Variants in PRH1 observed in about 807,000 individuals in gnomAD.
PRH1 encodes the protein salivary acidic proline-rich phosphoprotein 1/2.
Under a neutral mutation model 7.9 loss-of-function variants are expected in PRH1, and 7 were observed. The observed-to-expected ratio is 0.89, with a 90% CI of 0.50 to 1.67. PRH1 has a LOEUF of 1.67. Ranked by LOEUF, PRH1 falls within the 40% of genes most tolerant of loss-of-function variation. The pLI, the probability that PRH1 is intolerant of heterozygous loss-of-function variation, is 0.00. For synonymous variants in PRH1, 45 were observed against 80.8 expected (o/e 0.56, Z 2.38); for missense variants, 109 against 223.6 (o/e 0.49, Z 3.27).
rs529594829 is a variant in PRH1 at position 10,921,858 on chromosome 12, G to T, written c.-58-37583C>A. Among the ~76,000 whole-genome samples the T allele has an allele frequency of 5.6e-4, 85 of 152,120 alleles. 2 individuals carry two copies. In the South Asian group the frequency reaches 0.017, roughly 31 times the overall value. On this transcript the variant is annotated intron_variant, in intron 2 of 3. Coordinates refer to the PRH1 transcript ENST00000539853. ...CTTGGCTCACTGTAGTTTTGACCTC[G>T]CAGGCTCAAGTGATCCTTCCACCTC... is the stretch of plus-strand genomic sequence containing the variant.
intron 1 of PRH1, among the ~76,000 whole-genome samples, chr12:11,066,946 T>TG (rs1486159799): frequency 6.6e-6 from 1 of 152,168 alleles, no homozygotes; most frequent in Non-Finnish European, 1.5e-5. Context: ...GATTCTATTT[T>TG]GGGGCTTTTT....
intron 1 of PRH1, among the ~76,000 whole-genome samples, chr12:11,136,931 G>A (rs958047978): frequency 1.3e-5 from 2 of 152,086 alleles, no homozygotes; most frequent in Non-Finnish European, 1.5e-5. Context: ...TAAATTTTTA[G>A]TATACCTGAC....
chr12:10,902,562 A>G (rs1409896059), intron 2 of PRH1, among the ~76,000 whole-genome samples: 1 of 152,174 alleles, frequency 6.6e-6, no homozygotes, highest in East Asian at 1.9e-4. Context: ...ACCAAAGCAT[A>G]TAGTCGCCAG....
chr12:11,086,112 C>A lies in PRH1; in HGVS notation n.124-38924G>T, dbSNP rs190032325. On this transcript the variant is annotated intron_variant and non_coding_transcript_variant, in intron 1 of 4. Transcript: ENST00000541977. ...CATTAACATAAACACATTCCCCCCCCCACACACACACCCCTCATGGTTGAG... is the reference window on the plus strand; with the variant it reads ...CATTAACATAAACACATTCCCCCCCACACACACACACCCCTCATGGTTGAG... Among the ~76,000 whole-genome samples the A allele has an allele frequency of 2.0e-3, 169 of 86,406 alleles. 5 individuals carry two copies. In the South Asian group the frequency reaches 0.031, roughly 16 times the overall value. 56.7% of individuals were successfully genotyped at this position (86,406 alleles called of 152,430 possible).
chr12:10,930,155 A>T lies in PRH1; in HGVS notation c.-59+43500T>A. On this transcript the variant is annotated intron_variant, in intron 2 of 3. Transcript: ENST00000539853. ...GTAGCATCAGAGAGTGGCTGATGAG[A>T]TCTCAAAGGGGATGCACAGGGTGTG... 10 of 1,243,518 alleles carry T rather than the reference A, an allele frequency of 8.0e-6. 1 individual carries two copies. The South Asian group carries it at 1.2e-4, about 15-fold the overall frequency. 77.0% of individuals were successfully genotyped at this position (1,243,518 alleles called of 1,614,324 possible).
At chr12:11,011,896 T>G (rs912375556) in intron 1 of PRH1, among the ~76,000 whole-genome samples, 1 of 152,134 alleles carries the variant, frequency 6.6e-6, no homozygotes, top group African/African-American at 2.4e-5. Context: ...TCCTGTAATT[T>G]CCAAAATGGA....
chr12:11,058,903 A>G (rs1402209197), intron 1 of PRH1, among the ~76,000 whole-genome samples: 1 of 152,202 alleles, frequency 6.6e-6, no homozygotes, highest in African/African-American at 2.4e-5. Flanking sequence ...GGTATTGGAC[A>G]CAGACATGTG....
chr12:11,102,216 A>G (rs1185251174), intron 1 of PRH1, among the ~76,000 whole-genome samples: 1 of 152,206 alleles, frequency 6.6e-6, no homozygotes, highest in African/African-American at 2.4e-5. Context: ...TGGAACCAAA[A>G]AAGAGCCTGC....
upstream of PRH1, chr12:11,048,933 G>T: frequency 3.5e-6 from 1 of 282,420 alleles, no homozygotes; most frequent in South Asian, 6.7e-5. Context: ...TGGCAGTCTT[G>T]AGCAAATGAA....
intron 1 of PRH1, among the ~76,000 whole-genome samples, chr12:10,979,205 G>A (rs1275855084): frequency 6.6e-6 from 1 of 152,134 alleles, no homozygotes; most frequent in Non-Finnish European, 1.5e-5. Flanking sequence ...CCCATGCCAT[G>A]CAATTTACTT....
chr12:11,139,511 T>C (rs1415753873), intron 1 of PRH1, among the ~76,000 whole-genome samples: 3 of 152,234 alleles, frequency 2.0e-5, no homozygotes, highest in Non-Finnish European at 4.4e-5. Context: ...AATGTATTTT[T>C]CCATCTTGAT....
intron 1 of PRH1, among the ~76,000 whole-genome samples, chr12:11,154,378 A>C (rs1947191596): frequency 6.6e-6 from 1 of 152,222 alleles, no homozygotes; most frequent in Non-Finnish European, 1.5e-5. Flanking sequence ...TGCATATATA[A>C]ATGACAGCCA....
intron 2 of PRH1, among the ~76,000 whole-genome samples, chr12:10,901,196 A>C (rs1354835801): frequency 6.6e-6 from 1 of 152,116 alleles, no homozygotes; most frequent in Non-Finnish European, 1.5e-5. Flanking sequence ...CATTAAGAGC[A>C]CCTGCCTGCC....
intron 2 of PRH1, among the ~76,000 whole-genome samples, chr12:10,910,664 C>T (rs1027338676): frequency 6.6e-6 from 1 of 151,960 alleles, no homozygotes; most frequent in African/African-American, 2.4e-5. Flanking sequence ...CCCACTCTTT[C>T]AAAAACTACC....
intron 1 of PRH1, chr12:11,171,289 G>T (rs1004617297): frequency 4.7e-6 from 5 of 1,060,308 alleles, no homozygotes; most frequent in Non-Finnish European, 6.0e-6. Context: ...CCCAGCCGTC[G>T]CTAGGAGGTC....
At chr12:10,980,919 G>A (rs917798903) in intron 1 of PRH1, among the ~76,000 whole-genome samples, 2 of 152,322 alleles carry the variant, frequency 1.3e-5, no homozygotes, top group East Asian at 3.9e-4. Flanking sequence ...CAGATTCAAT[G>A]AAGTGGTGAC....
At chr12:11,044,472 A>G (rs958290978) in intron 1 of PRH1, among the ~76,000 whole-genome samples, 3 of 152,184 alleles carry the variant, frequency 2.0e-5, no homozygotes, top group African/African-American at 7.2e-5. Flanking sequence ...ACTTCTGCAC[A>G]GCAAAGGGTA....
intron 2 of PRH1, among the ~76,000 whole-genome samples, chr12:10,913,688 T>C (rs1327172364): frequency 6.6e-6 from 1 of 152,186 alleles, no homozygotes; most frequent in East Asian, 1.9e-4. Context: ...CCTCTCCCCC[T>C]TGAAGTTGTA....
intron 1 of PRH1, chr12:11,030,580 A>C: frequency 6.2e-7 from 1 of 1,614,214 alleles, no homozygotes; most frequent in South Asian, 1.1e-5. Flanking sequence ...CCAGACTCCC[A>C]AAACTCCAAA....
Sources: gnomAD v4.1 joint callset for allele counts (sites outside exome capture counted in the v4.1 genomes callset) on GRCh38, gnomAD v4.1.1 for gene constraint, MANE v1.5 for transcripts, NCBI Gene and HGNC (gene_info 2026-07-23, HGNC 2026-07-21) for gene names.